The following KHDRBS2 variants were observed in gnomAD, a reference collection of about 807,000 sequenced individuals.
KHDRBS2 encodes KH domain-containing, RNA-binding, signal transduction-associated protein 2.
A neutral mutation model predicts 44.3 loss-of-function variants in KHDRBS2; 26 were observed. The ratio of observed to expected loss-of-function variants is 0.59; its 90% CI spans 0.43 to 0.81. The LOEUF (loss-of-function observed/expected upper bound fraction) is 0.81, where lower values mean the gene tolerates loss of function less well. KHDRBS2 is among the 40% of genes least tolerant of loss of function. The pLI is 0.00. For missense variants in KHDRBS2, 476 were observed against 433.1 expected (o/e 1.10, Z -0.88); for synonymous variants, 194 against 151.1 (o/e 1.28, Z -2.08).
chr6:61,735,556 T>G (rs1278990390), intron 6 of KHDRBS2, among the ~76,000 whole-genome samples: 4 of 152,162 alleles, frequency 2.6e-5, no homozygotes, highest in Non-Finnish European at 5.9e-5. Context: ...ATCTGTTTAG[T>G]GTTTTTAGAG....
rs1260414734 is a variant in KHDRBS2, at chr6:62,286,111, C to T, written c.-163G>A. 28 of 580,208 alleles carry T rather than the reference C, an allele frequency of 4.8e-5. No homozygotes were observed. The African/African-American group carries it at 5.4e-4, about 11-fold the overall frequency. 35.9% of individuals were successfully genotyped at this position (580,208 alleles called of 1,614,324 possible). ...CCATGCACCCAGCACCTGCGACTCC[C>T]GCCGTCGGGCTGCGTGGCCCCGCGC... On this transcript the variant is annotated 5_prime_UTR_variant, in exon 1 of 9. Coordinates refer to ENST00000281156, the MANE Select transcript of KHDRBS2 (RefSeq NM_152688.4).
At chr6:62,147,336 C>T (rs1814165537) in intron 2 of KHDRBS2, among the ~76,000 whole-genome samples, 1 of 151,850 alleles carries the variant, frequency 6.6e-6, no homozygotes, top group Non-Finnish European at 1.5e-5. Flanking sequence ...TTAAATCTGC[C>T]AAATAATAGC....
At chr6:62,078,479 A>C (rs1489528358) in intron 2 of KHDRBS2, among the ~76,000 whole-genome samples, 2 of 151,986 alleles carry the variant, frequency 1.3e-5, no homozygotes, top group African/African-American at 4.8e-5. Flanking sequence ...TTTTACCTCT[A>C]GGAAGGGAAT....
At chr6:61,567,970 A>G in the KHDRBS2 span, among the ~76,000 whole-genome samples, 1 of 151,986 alleles carries the variant, frequency 6.6e-6, no homozygotes, top group Non-Finnish European at 1.5e-5. Flanking sequence ...TTGTAGTTTC[A>G]TGTCTTAAAT....
chr6:61,671,864 T>A, the KHDRBS2 span, among the ~76,000 whole-genome samples: 2 of 152,062 alleles, frequency 1.3e-5, no homozygotes, highest in East Asian at 1.9e-4. Context: ...ATGATTATTA[T>A]ACCTTAAGTT....
At chr6:62,084,541 G>T (rs1183149030) in intron 2 of KHDRBS2, among the ~76,000 whole-genome samples, 2 of 151,984 alleles carry the variant, frequency 1.3e-5, no homozygotes, top group Non-Finnish European at 2.9e-5. Context: ...GATAGCCAGA[G>T]AATTCAGAGT....
the KHDRBS2 span, among the ~76,000 whole-genome samples, chr6:61,633,072 G>A: frequency 1.3e-5 from 2 of 152,054 alleles, no homozygotes; most frequent in African/African-American, 4.8e-5. Flanking sequence ...TTCAGAATTT[G>A]ACAAAGTGTG....
At chr6:62,020,572 T>C (rs1389352173) in intron 3 of KHDRBS2, among the ~76,000 whole-genome samples, 1 of 98,454 alleles carries the variant, frequency 1.0e-5, no homozygotes, top group Non-Finnish European at 2.3e-5. Flanking sequence ...GATATGTCTA[T>C]TTATTAATGC....
chr6:61,787,972 T>C (rs780397970), intron 6 of KHDRBS2, among the ~76,000 whole-genome samples: 1 of 151,630 alleles, frequency 6.6e-6, no homozygotes, highest in African/African-American at 2.4e-5. Flanking sequence ...CCACATAATA[T>C]ATCATTGTTA....
At chr6:61,693,595 C>G (rs1369827172) in intron 8 of KHDRBS2, among the ~76,000 whole-genome samples, 1 of 152,122 alleles carries the variant, frequency 6.6e-6, no homozygotes, top group Non-Finnish European at 1.5e-5. Flanking sequence ...TTAATATCTT[C>G]CTTATTCTGT....
chr6:61,842,657 C>A (rs888405017), intron 6 of KHDRBS2, among the ~76,000 whole-genome samples: 10 of 152,204 alleles, frequency 6.6e-5, no homozygotes, highest in Non-Finnish European at 1.2e-4. Flanking sequence ...TGAAATAGTG[C>A]AGCTGCTTTA....
chr6:61,779,618 C>A (rs902076191), intron 6 of KHDRBS2, among the ~76,000 whole-genome samples: 1 of 151,664 alleles, frequency 6.6e-6, no homozygotes, highest in Non-Finnish European at 1.5e-5. Flanking sequence ...TTTTTTGAAC[C>A]ACCCAACCAA....
At chr6:62,199,372 T>C (rs1328199172) in intron 1 of KHDRBS2, among the ~76,000 whole-genome samples, 1 of 152,188 alleles carries the variant, frequency 6.6e-6, no homozygotes, top group Non-Finnish European at 1.5e-5. Context: ...CTTAAGCTGA[T>C]AGGCAACATC....
chr6:61,850,564 C>A (rs1251417392), intron 6 of KHDRBS2, among the ~76,000 whole-genome samples: 2 of 152,150 alleles, frequency 1.3e-5, no homozygotes, highest in Non-Finnish European at 2.9e-5. Flanking sequence ...AAATAACTCA[C>A]TTATAATTGT....
At position 61,722,173 on chromosome 6, in the gene KHDRBS2, C is replaced by T. The variant is rs567413628; in HGVS notation, c.893+10509G>A. Among the ~76,000 whole-genome samples, 27 of 152,126 alleles carry T rather than the reference C, an allele frequency of 1.8e-4. 1 individual carries two copies. In the South Asian group the frequency reaches 4.8e-3, roughly 27 times the overall value. On this transcript the variant is annotated intron_variant, in intron 7 of 8. Transcript: ENST00000281156. The stretch of plus-strand genomic sequence containing the variant: ...AAGCTTTTTGATGTGCTGCTGGATT[C>T]GGTTTGCCATTATTTTATTGAGGAT...
At chr6:61,877,282 G>A (rs774274507) in intron 6 of KHDRBS2, among the ~76,000 whole-genome samples, 16 of 151,880 alleles carry the variant, frequency 1.1e-4, no homozygotes, top group Non-Finnish European at 2.1e-4. Flanking sequence ...GGAAGCCAGA[G>A]GACATAGAAA....
intron 3 of KHDRBS2, among the ~76,000 whole-genome samples, chr6:61,980,545 A>T (rs1426250849): frequency 6.6e-6 from 1 of 152,204 alleles, no homozygotes; most frequent in Non-Finnish European, 1.5e-5. Flanking sequence ...GGGTTTCTTT[A>T]TAAAAATTTG....
At chr6:61,646,768 C>T in the KHDRBS2 span, among the ~76,000 whole-genome samples, 4 of 152,014 alleles carry the variant, frequency 2.6e-5, no homozygotes, top group Admixed American at 6.6e-5. Context: ...TTGTGTCTGA[C>T]TTTTTATTAG....
intron 6 of KHDRBS2, among the ~76,000 whole-genome samples, chr6:61,887,615 C>T (rs1801158490): frequency 6.6e-6 from 1 of 152,046 alleles, no homozygotes; most frequent in Admixed American, 6.6e-5. Flanking sequence ...TAAATACATT[C>T]CATGTGGTCA....
Sources: gnomAD v4.1 joint callset for allele counts (sites outside exome capture counted in the v4.1 genomes callset) on GRCh38, gnomAD v4.1.1 for gene constraint, MANE v1.5 for transcripts, NCBI Gene and HGNC (gene_info 2026-07-23, HGNC 2026-07-21) for gene names.